Variants in SEMA6D observed in about 807,000 individuals in gnomAD.
SEMA6D encodes the protein semaphorin 6D, also known as semaphorin-6D.
A neutral mutation model predicts 106.6 loss-of-function variants in SEMA6D; 35 were observed. The observed-to-expected ratio is 0.33, with a 90% CI of 0.25 to 0.44. The LOEUF (loss-of-function observed/expected upper bound fraction) is 0.44, where lower values mean the gene tolerates loss of function less well. SEMA6D is among the 20% of genes least tolerant of loss of function. SEMA6D has a pLI of 1.00. For missense variants in SEMA6D, 1,185 were observed against 1,345.9 expected (o/e 0.88, Z 1.87); for synonymous variants, 499 against 487.7 (o/e 1.02, Z -0.31).
intron 2 of SEMA6D, among the ~76,000 whole-genome samples, chr15:47,446,456 C>G (rs917852895): frequency 2.6e-5 from 4 of 152,086 alleles, no homozygotes; most frequent in Non-Finnish European, 5.9e-5. Context: ...ATTATGCATA[C>G]AATCCAGTTC....
chr15:47,430,697 T>C (rs193255869), intron 2 of SEMA6D, among the ~76,000 whole-genome samples: 1 of 152,074 alleles, frequency 6.6e-6, no homozygotes, highest in African/African-American at 2.4e-5. Context: ...CTGCCCCCAT[T>C]TCTACTCCAT....
chr15:47,621,125 G>A (rs2077090229), intron 4 of SEMA6D, among the ~76,000 whole-genome samples: 1 of 152,134 alleles, frequency 6.6e-6, no homozygotes, highest in African/African-American at 2.4e-5. Context: ...CCCTGTTAAA[G>A]TTCTAGATGG....
intron 3 of SEMA6D, among the ~76,000 whole-genome samples, chr15:47,599,992 A>ATTTGTACCATTTGGGGAATT (rs2076615195): frequency 6.6e-6 from 1 of 152,066 alleles, no homozygotes; most frequent in Non-Finnish European, 1.5e-5. Context: ...CATTTGGGGA[A>ATTTGTACCATTTGGGGAATT]TTTGTACCAT....
intron 1 of SEMA6D, among the ~76,000 whole-genome samples, chr15:47,285,315 T>C (rs1482563610): frequency 2.6e-5 from 4 of 152,114 alleles, no homozygotes; most frequent in Admixed American, 1.3e-4. Flanking sequence ...AGAGGAAATA[T>C]ATAATCTCCA....
At chr15:47,575,693 T>C (rs1346549681) in intron 3 of SEMA6D, among the ~76,000 whole-genome samples, 3 of 151,710 alleles carry the variant, frequency 2.0e-5, no homozygotes, top group Non-Finnish European at 4.4e-5. Context: ...CACTCCAGCC[T>C]GGGTAACAGA....
At chr15:47,201,037 A>G (rs760584229) in intron 1 of SEMA6D, among the ~76,000 whole-genome samples, 9 of 152,328 alleles carry the variant, frequency 5.9e-5, no homozygotes, top group Admixed American at 1.3e-4. Context: ...CTGTCTTTTT[A>G]GAGCTAAGGG....
At chr15:47,317,967 C>T (rs1395843954) in intron 1 of SEMA6D, among the ~76,000 whole-genome samples, 1 of 147,374 alleles carries the variant, frequency 6.8e-6, no homozygotes, top group Non-Finnish European at 1.5e-5. Context: ...TTTTTTCTTC[C>T]CCTTTGGCAT....
intron 1 of SEMA6D, among the ~76,000 whole-genome samples, chr15:47,363,033 AAAT>A (rs909471366): frequency 3.6e-4 from 54 of 151,852 alleles, no homozygotes; most frequent in Admixed American, 7.9e-4. Context: ...AAAAGTCTCC[AAAT>A]AATAATAATA....
chr15:47,309,565 A>G lies in SEMA6D; in HGVS notation c.-238-102828A>G, dbSNP rs181234466. 3.3e-5 allele frequency among the ~76,000 whole-genome samples: 5 copies of G among 152,286 alleles called. No individual in the cohort carries two copies. In the East Asian group the frequency reaches 9.7e-4, roughly 29 times the overall value. On this transcript the variant is annotated intron_variant, in intron 1 of 19. Coordinates refer to the SEMA6D transcript ENST00000558014. Reference sequence around the variant, plus strand: ...AAAAGGTGAAAACTCTCAATTTAACATGGAAAAGACACAGTGTATTTAGGA... The same window carrying G: ...AAAAGGTGAAAACTCTCAATTTAACGTGGAAAAGACACAGTGTATTTAGGA...
chr15:47,680,136 C>T (rs533982587), intron 4 of SEMA6D, among the ~76,000 whole-genome samples: 2 of 152,196 alleles, frequency 1.3e-5, no homozygotes, highest in African/African-American at 4.8e-5. Flanking sequence ...TTAGGGAAAC[C>T]AGTTTACTCT....
chr15:47,598,577 C>A (rs2076581256), intron 3 of SEMA6D, among the ~76,000 whole-genome samples: 1 of 152,054 alleles, frequency 6.6e-6, no homozygotes, highest in Non-Finnish European at 1.5e-5. Context: ...AAAATGATTC[C>A]TACATTAGTT....
intron 1 of SEMA6D, among the ~76,000 whole-genome samples, chr15:47,282,773 G>A (rs1467276092): frequency 6.6e-6 from 1 of 152,094 alleles, no homozygotes; most frequent in Non-Finnish European, 1.5e-5. Flanking sequence ...ATGATGCCTT[G>A]TCTGTGTCTT....
At chr15:47,253,532 T>C (rs774744143) in intron 1 of SEMA6D, among the ~76,000 whole-genome samples, 9 of 152,234 alleles carry the variant, frequency 5.9e-5, no homozygotes, top group Admixed American at 3.3e-4. Context: ...AGTTGATTTT[T>C]GTATAAGGTA....
rs1033414490 is a variant in SEMA6D, at chr15:47,766,276, T to C, written c.1646+94T>C. 6.3e-6 allele frequency: 7 copies of C among 1,107,228 alleles called. No homozygotes were observed. In the African/African-American group the frequency reaches 1.1e-4, roughly 18 times the overall value. The allele number at this position is 1,107,228 out of a possible 1,614,324, so 68.6% of individuals were successfully genotyped here. On this transcript the variant is annotated intron_variant, in intron 15 of 18. Coordinates refer to ENST00000536845, the MANE Select transcript of SEMA6D (RefSeq NM_001358351.3). ...AGAAAACTTCCAATTATACTACTTTTCTTTTTTTTTGTTGTTATGGGAGAA... is the reference window on the plus strand; with the variant it reads ...AGAAAACTTCCAATTATACTACTTTCCTTTTTTTTTGTTGTTATGGGAGAA...
chr15:47,355,625 A>G (rs771854913), intron 1 of SEMA6D, among the ~76,000 whole-genome samples: 1 of 152,118 alleles, frequency 6.6e-6, no homozygotes, highest in Admixed American at 6.5e-5. Flanking sequence ...TAACCTTCCT[A>G]TCCATGTGCT....
At chr15:47,205,508 T>A (rs1252762577) in intron 1 of SEMA6D, among the ~76,000 whole-genome samples, 1 of 152,088 alleles carries the variant, frequency 6.6e-6, no homozygotes, top group East Asian at 1.9e-4. Flanking sequence ...AAAAGCATAT[T>A]TGCCAGACAC....
intron 3 of SEMA6D, among the ~76,000 whole-genome samples, chr15:47,532,376 A>G (rs2045000394): frequency 6.6e-6 from 1 of 152,128 alleles, no homozygotes; most frequent in African/African-American, 2.4e-5. Flanking sequence ...GGAACCTCTA[A>G]CAGTCTCTCT....
chr15:47,471,115 G>A (rs73388935), intron 3 of SEMA6D, among the ~76,000 whole-genome samples: 6,758 of 152,220 alleles, frequency 0.044, 403 homozygotes, highest in African/African-American at 0.14. Flanking sequence ...TGGACATGTG[G>A]CTGCTGTTCC....
chr15:47,704,681 T>C (rs900799724), intron 4 of SEMA6D, among the ~76,000 whole-genome samples: 1 of 152,100 alleles, frequency 6.6e-6, no homozygotes, highest in African/African-American at 2.4e-5. Context: ...ATCATGCCAC[T>C]GCACTCCAGC....
Sources: allele counts gnomAD v4.1 joint callset (sites outside exome capture counted in the v4.1 genomes callset), GRCh38; gene constraint gnomAD v4.1.1; transcripts MANE v1.5; gene names NCBI Gene and HGNC (gene_info 2026-07-23, HGNC 2026-07-21).